Variants in TTC7B observed in about 807,000 individuals in gnomAD.
The protein encoded by TTC7B is tetratricopeptide repeat domain 7B.
TTC7B carries 28 observed loss-of-function variants against 106.8 expected under a neutral mutation model. The observed-to-expected ratio is 0.26, with a 90% CI of 0.19 to 0.36. The LOEUF (loss-of-function observed/expected upper bound fraction) is 0.36, where lower values mean the gene tolerates loss of function less well. Ranked by LOEUF, TTC7B falls within the 10% of genes least tolerant of loss-of-function variation. The pLI is 1.00. For synonymous variants in TTC7B, 405 were observed against 430.6 expected (o/e 0.94, Z 0.74); for missense variants, 862 against 1,076.4 (o/e 0.80, Z 2.79).
intron 15 of TTC7B, among the ~76,000 whole-genome samples, chr14:90,619,761 T>A (rs540510920): frequency 6.6e-6 from 1 of 152,204 alleles, no homozygotes; most frequent in South Asian, 2.1e-4. Context: ...ATTTTCTTCC[T>A]GAGGACAAGA....
At chr14:90,563,761 T>C (rs1346804841) in intron 19 of TTC7B, among the ~76,000 whole-genome samples, 2 of 152,208 alleles carry the variant, frequency 1.3e-5, no homozygotes, top group Middle Eastern at 3.2e-3. Context: ...GCTGATATAA[T>C]ATTCTAAATT....
At chr14:90,615,599 C>T (rs1314965087) in intron 16 of TTC7B, among the ~76,000 whole-genome samples, 1 of 152,196 alleles carries the variant, frequency 6.6e-6, no homozygotes, top group Non-Finnish European at 1.5e-5. Context: ...GGAGCCACTG[C>T]GGCCCCACTC....
At position 90,528,694 on chromosome 14, in the gene TTC7B, C is replaced by T. The variant is rs115169812; in HGVS notation, c.*12674G>A. 2,404 of 139,922 alleles carry T rather than the reference C, an allele frequency of 0.017. 61 individuals are homozygous for T. The highest frequency in any genetic ancestry group is 0.061 in the African/African-American group (2,267 of 37,344). The allele number at this position is 139,922 out of a possible 1,614,324, so 8.7% of individuals were successfully genotyped here. ...CCGACTGTGTTTTGTTACCTGTTTC[C>T]GATGGTGTGACCTGACTGCGCTTTG... is the stretch of plus-strand genomic sequence containing the variant. On this transcript the variant is annotated 3_prime_UTR_variant, in exon 20 of 20. Transcript: ENST00000328459.
chr14:90,549,324 G>C (rs1406182225), intron 19 of TTC7B, among the ~76,000 whole-genome samples: 2 of 152,122 alleles, frequency 1.3e-5, no homozygotes, highest in Non-Finnish European at 2.9e-5. Context: ...TGAGCTGCTG[G>C]GGCCACCTGA....
intron 1 of TTC7B, among the ~76,000 whole-genome samples, chr14:90,801,631 C>G (rs1286327): frequency 0.76 from 115,470 of 152,014 alleles, 44,013 homozygotes; most frequent in Middle Eastern, 0.83. Flanking sequence ...TATCCAAGTA[C>G]AGAAATTAAG....
At chr14:90,632,826 T>A (rs770441321) in intron 15 of TTC7B, among the ~76,000 whole-genome samples, 1 of 152,218 alleles carries the variant, frequency 6.6e-6, no homozygotes, top group African/African-American at 2.4e-5. Context: ...CTACCCACCA[T>A]AGATAGTTCT....
At chr14:90,696,750 C>T (rs947902645) in intron 5 of TTC7B, among the ~76,000 whole-genome samples, 1 of 152,180 alleles carries the variant, frequency 6.6e-6, no homozygotes, top group African/African-American at 2.4e-5. Context: ...CTCACCCACA[C>T]ATATCAGATG....
chr14:90,747,155 G>C (rs1164055336), intron 3 of TTC7B, among the ~76,000 whole-genome samples: 1 of 152,146 alleles, frequency 6.6e-6, no homozygotes, highest in Non-Finnish European at 1.5e-5. Context: ...CAGTAACATG[G>C]GTGCTCCATG....
chr14:90,672,234 C>A (rs1022700267), intron 9 of TTC7B, among the ~76,000 whole-genome samples: 1 of 152,230 alleles, frequency 6.6e-6, no homozygotes, highest in African/African-American at 2.4e-5. Context: ...TCACAATTGA[C>A]TGATGGTTTT....
chr14:90,748,656 C>T (rs1173871925), intron 3 of TTC7B, among the ~76,000 whole-genome samples: 1 of 152,152 alleles, frequency 6.6e-6, no homozygotes, highest in Non-Finnish European at 1.5e-5. Flanking sequence ...TACTACTTCA[C>T]ATATATATAG....
At chr14:90,573,869 T>A (rs985545137) in intron 19 of TTC7B, among the ~76,000 whole-genome samples, 8 of 152,216 alleles carry the variant, frequency 5.3e-5, no homozygotes, top group Non-Finnish European at 1.0e-4. Flanking sequence ...ATACTTCCCA[T>A]CCTGGCCTTA....
At chr14:90,712,135 C>A (rs1020444672) in intron 5 of TTC7B, among the ~76,000 whole-genome samples, 5 of 152,050 alleles carry the variant, frequency 3.3e-5, no homozygotes, top group Non-Finnish European at 7.4e-5. Flanking sequence ...GACTTTAAAT[C>A]AAAGAATATT....
chr14:90,612,599 G>C (rs1892919095), intron 16 of TTC7B, among the ~76,000 whole-genome samples: 1 of 152,180 alleles, frequency 6.6e-6, no homozygotes, highest in Non-Finnish European at 1.5e-5. Context: ...TTTTGGTGCT[G>C]TCACTAATGA....
chr14:90,790,640 A>G (rs1891556150), intron 1 of TTC7B, among the ~76,000 whole-genome samples: 1 of 152,010 alleles, frequency 6.6e-6, no homozygotes, highest in Non-Finnish European at 1.5e-5. Flanking sequence ...TGCATCTGAA[A>G]ATGGCTCCTC....
At chr14:90,726,810 GCCTCAA>G (rs1889120584) in intron 5 of TTC7B, among the ~76,000 whole-genome samples, 1 of 152,222 alleles carries the variant, frequency 6.6e-6, no homozygotes, top group Non-Finnish European at 1.5e-5. Context: ...CCTCTGCGGA[GCCTCAA>G]CAAGATGTTT....
rs1412796648 is a variant in TTC7B at position 90,593,568 on chromosome 14, C to T, written c.2025G>A (p.Val675=). The T allele has an allele frequency of 3.7e-6, 6 of 1,612,648 alleles. No homozygotes were observed. Among genetic ancestry groups the T allele is most frequent in the Non-Finnish European group, 5.1e-6 (6 of 1,179,196 alleles). ...ASRVEQALSE[V]ASSLQSSAPK... ...GGGCACTGCTCTGCAGAGACGAAGC[C>T]ACTTCCGACAGTGCCTGCTCCACTC... is the stretch of plus-strand genomic sequence containing the variant. Residue 675 remains valine, a synonymous_variant, in exon 18 of 20, where the codon GTG becomes GTA. Transcript: ENST00000328459.
rs200331302 is a variant in TTC7B, at chr14:90,780,897, G to C, written c.286C>G (p.Leu96Val). ...GCCATGATCAGATTGGATTCTTGTA[G>C]GAATTCTGACTAGAAGCAAAAGGAG... ...LDRGNLKSEF[L>V]QESNLIMAKL... Residue 96 changes from leucine (L) to valine (V), a missense_variant, in exon 3 of 20, where the codon CTA (leucine) becomes GTA (valine). Physicochemically the swap from Leu to Val is conservative, Grantham distance 32. Transcript: ENST00000328459. 4.5e-5 allele frequency: 73 copies of C among 1,614,064 alleles called. No individual in the cohort carries two copies. In the African/African-American group the frequency reaches 7.5e-4, roughly 16 times the overall value.
chr14:90,782,199 G>T (rs1340974900), intron 2 of TTC7B, among the ~76,000 whole-genome samples: 2 of 152,142 alleles, frequency 1.3e-5, no homozygotes, highest in Non-Finnish European at 2.9e-5. Flanking sequence ...GGACAAGCAG[G>T]ACTGATGGGA....
At chr14:90,623,603 TG>T (rs1814747221) in intron 15 of TTC7B, among the ~76,000 whole-genome samples, 1 of 152,260 alleles carries the variant, frequency 6.6e-6, no homozygotes, top group African/African-American at 2.4e-5. Flanking sequence ...CCACTACTAT[TG>T]GGCAGGATTT....
Sources: allele counts gnomAD v4.1 joint callset (sites outside exome capture counted in the v4.1 genomes callset), GRCh38; gene constraint gnomAD v4.1.1; transcripts MANE v1.5; gene names NCBI Gene and HGNC (gene_info 2026-07-23, HGNC 2026-07-21).